The following APP variants were observed in gnomAD, a reference collection of about 807,000 sequenced individuals.
APP encodes amyloid-beta precursor protein.
In APP, 31 loss-of-function variants were observed where a neutral mutation model predicts 101.4. The observed-to-expected ratio is 0.31, with a 90% CI of 0.23 to 0.41. The LOEUF (loss-of-function observed/expected upper bound fraction) is 0.41. Ranked by LOEUF, APP falls within the 10% of genes least tolerant of loss-of-function variation. The pLI is 1.00. For missense variants in APP, 839 were observed against 1,003.7 expected, an observed-to-expected ratio of 0.84 and a Z score of 2.22; for synonymous variants, 366 against 364.4, an observed-to-expected ratio of 1.00 and a Z score of -0.05.
intron 13 of APP, among the ~76,000 whole-genome samples, chr21:25,949,018 G>A (rs572663359): frequency 2.6e-5 from 4 of 152,240 alleles, no homozygotes; most frequent in Non-Finnish European, 5.9e-5. Flanking sequence ...TAAAAGAGGA[G>A]ATTTTATCTC....
chr21:25,899,042 C>T (rs2038266885), intron 15 of APP, among the ~76,000 whole-genome samples: 1 of 152,220 alleles, frequency 6.6e-6, no homozygotes, highest in South Asian at 2.1e-4. Flanking sequence ...AGCACCATTT[C>T]CTCATCCAAT....
At chr21:26,106,960 T>C (rs963706329) in intron 2 of APP, among the ~76,000 whole-genome samples, 7 of 152,150 alleles carry the variant, frequency 4.6e-5, no homozygotes, top group Admixed American at 4.6e-4. Flanking sequence ...CACACACACA[T>C]ACAAATGTCC....
At chr21:26,134,924 T>C (rs1393660825) in intron 1 of APP, among the ~76,000 whole-genome samples, 1 of 152,206 alleles carries the variant, frequency 6.6e-6, no homozygotes, top group Non-Finnish European at 1.5e-5. Flanking sequence ...TGTTCTTCCT[T>C]AAAACTTCGA....
At chr21:26,055,199 A>G (rs2045991542) in intron 3 of APP, among the ~76,000 whole-genome samples, 1 of 152,136 alleles carries the variant, frequency 6.6e-6, no homozygotes, top group Non-Finnish European at 1.5e-5. Flanking sequence ...GTGAGTACTG[A>G]GCACACACCC....
chr21:25,897,406 G>A (rs180802236), intron 16 of APP, among the ~76,000 whole-genome samples, 167 bp downstream of exon 16: 59 of 152,282 alleles, frequency 3.9e-4, no homozygotes, highest in Non-Finnish European at 6.8e-4. Flanking sequence ...GAGCCACTGC[G>A]CTCAGCCTAG....
chr21:26,066,044 C>A (rs2046441242), intron 3 of APP, among the ~76,000 whole-genome samples: 2 of 152,156 alleles, frequency 1.3e-5, no homozygotes, highest in Admixed American at 1.3e-4. Flanking sequence ...CAGGGTGGCT[C>A]TGCTTCAGGT....
rs199549769 is a variant in APP, at chr21:26,001,159, G to A, written c.866-977C>T. Among the ~76,000 whole-genome samples, 164 of 152,176 alleles carry A rather than the reference G, an allele frequency of 1.1e-3. 1 individual carries two copies. The highest frequency in any genetic ancestry group is 4.6e-3 in the East Asian group (24 of 5,192). On this transcript the variant is annotated intron_variant, in intron 6 of 17. Coordinates refer to ENST00000346798, the MANE Select transcript of APP (RefSeq NM_000484.4). The stretch of plus-strand genomic sequence containing the variant: ...ACTCCAACTGATTAATACACACCAC[G>A]CACTGTTATACATTAAAACACATCT...
chr21:25,966,565 G>A (rs2041804212), intron 11 of APP, among the ~76,000 whole-genome samples: 2 of 152,120 alleles, frequency 1.3e-5, no homozygotes, highest in South Asian at 4.1e-4. Context: ...ATATTCATCT[G>A]TCCACATACC....
chr21:26,089,546 T>C (rs1305020169), intron 3 of APP: 2 of 138,842 alleles, frequency 1.4e-5, no homozygotes, highest in Non-Finnish European at 3.0e-5. Flanking sequence ...AACAAAATGC[T>C]GCAGCTTCAC....
intron 5 of APP, among the ~76,000 whole-genome samples, chr21:26,031,257 C>T (rs1479366688): frequency 1.3e-5 from 2 of 152,190 alleles, no homozygotes; most frequent in African/African-American, 4.8e-5. Context: ...GGCTACAAAG[C>T]AACCTAGGAA....
intron 6 of APP, among the ~76,000 whole-genome samples, chr21:26,014,062 A>T (rs1387683488): frequency 6.6e-6 from 1 of 152,142 alleles, no homozygotes; most frequent in African/African-American, 2.4e-5. Context: ...TCAAAACACA[A>T]AGGTAAAGGC....
chr21:26,168,918 T>C (rs1367364332), intron 1 of APP, among the ~76,000 whole-genome samples: 1 of 152,194 alleles, frequency 6.6e-6, no homozygotes, highest in African/African-American at 2.4e-5. Context: ...AATGGTGTGA[T>C]AGTCTGTACA....
chr21:25,983,447 A>G (rs1272434900), intron 8 of APP, among the ~76,000 whole-genome samples: 5 of 152,236 alleles, frequency 3.3e-5, no homozygotes, highest in Non-Finnish European at 7.3e-5. Flanking sequence ...CCTGTGTATT[A>G]CATTTGGGAT....
At chr21:25,905,532 G>A (rs1041101934) in intron 14 of APP, among the ~76,000 whole-genome samples, 23 of 152,142 alleles carry the variant, frequency 1.5e-4, no homozygotes, top group African/African-American at 5.6e-4. Context: ...AATTTCCAGG[G>A]GAAGTGCAAA....
intron 8 of APP, among the ~76,000 whole-genome samples, chr21:25,993,280 T>TG (rs2042938045): frequency 9.5e-6 from 1 of 105,206 alleles, no homozygotes; most frequent in South Asian, 4.1e-4. Context: ...CCTACACCTC[T>TG]GCACAAACTA....
chr21:26,139,053 G>A (rs1188535999), intron 1 of APP, among the ~76,000 whole-genome samples: 1 of 152,098 alleles, frequency 6.6e-6, no homozygotes, highest in African/African-American at 2.4e-5. Flanking sequence ...TTTAGGTAGA[G>A]TCTGTATTTT....
At chr21:26,104,537 T>C (rs1049043509) in intron 2 of APP, among the ~76,000 whole-genome samples, 29 of 152,164 alleles carry the variant, frequency 1.9e-4, no homozygotes, top group African/African-American at 6.8e-4. Flanking sequence ...CAAGGGTTTA[T>C]AACCAAGAGC....
rs547672476 is a variant in APP at position 25,980,028 on chromosome 21, A to G, written c.1224+2316T>C. 4.6e-5 allele frequency among the ~76,000 whole-genome samples: 7 copies of G among 152,336 alleles called. No individual in the cohort carries two copies. The East Asian group carries it at 1.3e-3, about 29-fold the overall frequency. Reference sequence around the variant, plus strand: ...AAGTGGGGTGTAAGGAATGGGTGAGATGTGTCAGCGTGAAGAAGAGTGGGA... The same window carrying G: ...AAGTGGGGTGTAAGGAATGGGTGAGGTGTGTCAGCGTGAAGAAGAGTGGGA... On this transcript the variant is annotated intron_variant, in intron 9 of 17. Coordinates refer to ENST00000346798, the MANE Select transcript of APP (RefSeq NM_000484.4).
intron 1 of APP, among the ~76,000 whole-genome samples, 166 bp downstream of exon 1, chr21:26,170,398 G>A (rs2063720019): frequency 6.6e-6 from 1 of 152,192 alleles, no homozygotes. Context: ...GCAGGGCTGG[G>A]CCGAAAGCGG....
Sources: allele counts gnomAD v4.1 joint callset (sites outside exome capture counted in the v4.1 genomes callset), GRCh38; gene constraint gnomAD v4.1.1; transcripts MANE v1.5; gene names NCBI Gene and HGNC (gene_info 2026-07-23, HGNC 2026-07-21).